LINGO2: variants seen among roughly 807,000 people sequenced by gnomAD.
The protein encoded by LINGO2 is leucine rich repeat and Ig domain containing 2, also known as leucine-rich repeat and immunoglobulin-like domain-containing nogo receptor-interacting protein 2.
A neutral mutation model predicts 30.6 loss-of-function variants in LINGO2; 14 were observed. That is an observed-to-expected ratio of 0.46 (90% CI 0.30 to 0.72). The LOEUF (loss-of-function observed/expected upper bound fraction) is 0.72, where lower values mean the gene tolerates loss of function less well. Among genes scored for constraint, LINGO2 ranks in the 30% least tolerant of loss-of-function variants. The pLI is 0.07. For synonymous variants in LINGO2, 317 were observed against 288.5 expected (o/e 1.10, Z -1.00); for missense variants, 729 against 751.7 (o/e 0.97, Z 0.35).
intron 1 of LINGO2, among the ~76,000 whole-genome samples, chr9:28,655,902 C>T (rs1369253236): frequency 6.6e-6 from 1 of 152,082 alleles, no homozygotes; most frequent in Non-Finnish European, 1.5e-5. Flanking sequence ...TCTTTATTAG[C>T]AACGTGAGAA....
In LINGO2 at chr9:28,192,504, C is replaced by T. The variant is rs149280601; in HGVS notation, c.-87+102704G>A. On this transcript the variant is annotated intron_variant, in intron 4 of 5. Transcript: ENST00000379992. ...CAGTGATTGCAATTCTTTCCTATTC[C>T]TTGGTGGCCTCCTCTCCTTTCTTTG... Among the ~76,000 whole-genome samples, 481 of 152,094 alleles carry T rather than the reference C, an allele frequency of 3.2e-3. 2 individuals are homozygous for T. Among genetic ancestry groups the T allele is most frequent in the African/African-American group, 0.011 (449 of 41,494 alleles).
the LINGO2 span, among the ~76,000 whole-genome samples, chr9:28,739,971 T>C: frequency 6.6e-6 from 1 of 150,664 alleles, no homozygotes; most frequent in East Asian, 1.9e-4. Flanking sequence ...CTAGATGTTA[T>C]CAACCTTGTT....
intron 4 of LINGO2, among the ~76,000 whole-genome samples, chr9:28,149,914 G>C (rs12353027): frequency 2.8e-5 from 4 of 141,028 alleles, no homozygotes; most frequent in African/African-American, 1.1e-4. Context: ...CCTCGCCGCC[G>C]TCCTGTCTGC....
At chr9:29,143,159 G>A in the LINGO2 span, among the ~76,000 whole-genome samples, 54 of 152,072 alleles carry the variant, frequency 3.6e-4, no homozygotes, top group African/African-American at 1.3e-3. Context: ...ACAAATAAGT[G>A]GAAGTCTTTT....
intron 4 of LINGO2, among the ~76,000 whole-genome samples, chr9:28,242,358 G>A (rs1226398627): frequency 6.6e-6 from 1 of 152,034 alleles, no homozygotes; most frequent in East Asian, 1.9e-4. Context: ...TTGATCAAGT[G>A]GAAGAAAGAG....
the LINGO2 span, among the ~76,000 whole-genome samples, chr9:28,847,321 C>T: frequency 1.4e-5 from 2 of 148,114 alleles, no homozygotes; most frequent in African/African-American, 2.5e-5. Flanking sequence ...TCATGCATCC[C>T]TCTCTGCCAT....
the LINGO2 span, among the ~76,000 whole-genome samples, chr9:29,003,713 C>A: frequency 1.3e-5 from 2 of 151,930 alleles, no homozygotes; most frequent in African/African-American, 4.8e-5. Context: ...AGGTTACAAG[C>A]AGCAGCAGGC....
At chr9:27,984,393 CT>C (rs1226682182) in intron 5 of LINGO2, among the ~76,000 whole-genome samples, 2 of 151,822 alleles carry the variant, frequency 1.3e-5, no homozygotes, top group Non-Finnish European at 2.9e-5. Flanking sequence ...TGGTTGAAAT[CT>C]AGTGATGAAA....
chr9:28,163,494 G>A (rs1587117483), intron 4 of LINGO2, among the ~76,000 whole-genome samples: 1 of 152,020 alleles, frequency 6.6e-6, no homozygotes, highest in African/African-American at 2.4e-5. Flanking sequence ...TACCTAAAAT[G>A]CATACAAAAA....
chr9:28,993,484 G>C, the LINGO2 span, among the ~76,000 whole-genome samples: 1 of 152,020 alleles, frequency 6.6e-6, no homozygotes, highest in South Asian at 2.1e-4. Context: ...CCAATCAATA[G>C]AAAAAGAGGG....
At chr9:28,097,056 T>C (rs1345149863) in intron 4 of LINGO2, among the ~76,000 whole-genome samples, 1 of 151,900 alleles carries the variant, frequency 6.6e-6, no homozygotes, top group Non-Finnish European at 1.5e-5. Context: ...AAAGAAGACA[T>C]TTATGCAGCC....
At chr9:28,931,562 T>G in the LINGO2 span, among the ~76,000 whole-genome samples, 1 of 152,308 alleles carries the variant, frequency 6.6e-6, no homozygotes, top group South Asian at 2.1e-4. Context: ...TGTCCTTAAC[T>G]ACAACATGTT....
chr9:28,563,761 A>T (rs963805739), intron 1 of LINGO2, among the ~76,000 whole-genome samples: 2 of 152,164 alleles, frequency 1.3e-5, no homozygotes, highest in African/African-American at 4.8e-5. Context: ...ATGCTCAATC[A>T]GACATTTTGG....
chr9:28,116,275 A>G (rs1400444424), intron 4 of LINGO2, among the ~76,000 whole-genome samples: 3 of 16,634 alleles, frequency 1.8e-4, no homozygotes, highest in Non-Finnish European at 1.1e-4. Context: ...GTTTCTGCCG[A>G]GAGATCCGCT....
the LINGO2 span, among the ~76,000 whole-genome samples, chr9:28,977,149 G>GA: frequency 6.6e-6 from 1 of 152,060 alleles, no homozygotes; most frequent in Admixed American, 6.6e-5. Flanking sequence ...ACTCTGATGA[G>GA]AAAAAATTTA....
chr9:28,774,041 T>TACACACACAC, the LINGO2 span, among the ~76,000 whole-genome samples: 1 of 146,786 alleles, frequency 6.8e-6, no homozygotes, highest in South Asian at 2.3e-4. Flanking sequence ...TTCTTTTTGA[T>TACACACACAC]ACACACACAC....
At chr9:28,469,124 C>G in intron 2 of LINGO2, among the ~76,000 whole-genome samples, 1 of 151,730 alleles carries the variant, frequency 6.6e-6, no homozygotes, top group Non-Finnish European at 1.5e-5. Flanking sequence ...TAAAAAAGAA[C>G]CAAACATAAA....
At chr9:29,001,997 C>T in the LINGO2 span, among the ~76,000 whole-genome samples, 1 of 151,968 alleles carries the variant, frequency 6.6e-6, no homozygotes, top group South Asian at 2.1e-4. Context: ...AAAATTCCTT[C>T]TATGGTTTGT....
the LINGO2 span, among the ~76,000 whole-genome samples, chr9:29,115,851 A>T: frequency 6.6e-6 from 1 of 152,136 alleles, no homozygotes; most frequent in African/African-American, 2.4e-5. Flanking sequence ...CACAATCACA[A>T]ACATAAATAA....
Sources: gnomAD v4.1 joint callset for allele counts (sites outside exome capture counted in the v4.1 genomes callset) on GRCh38, gnomAD v4.1.1 for gene constraint, MANE v1.5 for transcripts, NCBI Gene and HGNC (gene_info 2026-07-23, HGNC 2026-07-21) for gene names.